The following ATG13 variants were observed in gnomAD, a reference collection of about 807,000 sequenced individuals.
The protein encoded by ATG13 is autophagy-related protein 13.
Under a neutral mutation model 65.5 loss-of-function variants are expected in ATG13, and 23 were observed. That is an observed-to-expected ratio of 0.35 (90% CI 0.25 to 0.50). The LOEUF (loss-of-function observed/expected upper bound fraction) is 0.50, where lower values mean the gene tolerates loss of function less well. ATG13 is among the 20% of genes least tolerant of loss of function. ATG13 has a pLI of 0.98. For synonymous variants in ATG13, 252 were observed against 245.2 expected (o/e 1.03, Z -0.26); for missense variants, 566 against 677.0 (o/e 0.84, Z 1.82).
At chr11:46,619,034 C>G (rs2046382877) in intron 1 of ATG13, among the ~76,000 whole-genome samples, 1 of 152,012 alleles carries the variant, frequency 6.6e-6, no homozygotes, top group East Asian at 1.9e-4. Context: ...GTGGAATATT[C>G]GAAAGTAACT....
chr11:46,663,956 T>C, intron 11 of ATG13, 41 bp from the exon 12 acceptor site: 1 of 1,138,550 alleles, frequency 8.8e-7, no homozygotes, highest in Non-Finnish European at 1.2e-6. Flanking sequence ...TTTTTTTTTT[T>C]TTTTTTTGTT....
intron 2 of ATG13, among the ~76,000 whole-genome samples, chr11:46,635,022 T>C (rs2053465399): frequency 6.6e-6 from 1 of 151,394 alleles, no homozygotes; most frequent in Non-Finnish European, 1.5e-5. Flanking sequence ...TGTTTTTTTT[T>C]TAAGTAGGGG....
chr11:46,655,560 C>A (rs554217929), intron 7 of ATG13, among the ~76,000 whole-genome samples: 3 of 152,272 alleles, frequency 2.0e-5, no homozygotes, highest in Admixed American at 1.3e-4. Flanking sequence ...GGTGACAGAG[C>A]AAGACTCCGT....
intron 7 of ATG13, among the ~76,000 whole-genome samples, chr11:46,655,403 G>A (rs2059835623): frequency 6.6e-6 from 1 of 151,148 alleles, no homozygotes; most frequent in Non-Finnish European, 1.5e-5. Context: ...GTCTCAAAAA[G>A]CAAAACAAAC....
intron 2 of ATG13, among the ~76,000 whole-genome samples, chr11:46,639,892 C>T (rs931631052): frequency 7.0e-6 from 1 of 143,730 alleles, no homozygotes; most frequent in East Asian, 2.0e-4. Context: ...CTTGCTCTGT[C>T]CCCCATGTTG....
At chr11:46,644,937 T>C (rs1591804775) in intron 3 of ATG13, among the ~76,000 whole-genome samples, 1 of 152,226 alleles carries the variant, frequency 6.6e-6, no homozygotes, top group East Asian at 1.9e-4. Flanking sequence ...CCAAATGATA[T>C]GAATAATTGT....
Position 46,662,297 on chromosome 11 carries a change from G to A in ATG13, c.790-1700G>A, listed in dbSNP as rs577617292. Among the ~76,000 whole-genome samples the A allele has an allele frequency of 1.0e-3, 156 of 152,276 alleles. 1 individual carries two copies. Among genetic ancestry groups the A allele is most frequent in the African/African-American group, 3.7e-3 (152 of 41,558 alleles). The stretch of plus-strand genomic sequence containing the variant: ...AATTTAAATTTCAGTAAGCAGTTCT[G>A]TTTTACAAGTAATAGATTCATAAAT... On this transcript the variant is annotated intron_variant, in intron 11 of 18. Coordinates refer to ENST00000683050, the MANE Select transcript of ATG13 (RefSeq NM_001346311.2).
intron 7 of ATG13, among the ~76,000 whole-genome samples, chr11:46,652,011 G>A (rs529084670): frequency 2.6e-5 from 4 of 152,228 alleles, no homozygotes; most frequent in African/African-American, 9.6e-5. Context: ...CACTTTGAGA[G>A]GCTGAGGTGG....
intron 2 of ATG13, among the ~76,000 whole-genome samples, chr11:46,634,535 T>TA (rs1297573435): frequency 2.0e-5 from 3 of 149,348 alleles, no homozygotes; most frequent in Non-Finnish European, 4.5e-5. Flanking sequence ...GCTGGGACTA[T>TA]AGGCATGCAC....
At chr11:46,654,309 A>ATATATATG (rs1565550648) in intron 7 of ATG13, among the ~76,000 whole-genome samples, 2 of 143,824 alleles carry the variant, frequency 1.4e-5, no homozygotes, top group African/African-American at 2.6e-5. Flanking sequence ...ATATATATAT[A>ATATATATG]TGTAAAAGAG....
intron 2 of ATG13, among the ~76,000 whole-genome samples, chr11:46,638,947 AC>A (rs1173111273): frequency 6.6e-6 from 1 of 151,356 alleles, no homozygotes; most frequent in African/African-American, 2.4e-5. Flanking sequence ...AGCTGGGACT[AC>A]AGGCATGTGC....
chr11:46,657,384 G>A, intron 9 of ATG13, 140 bp from the exon 10 acceptor site: 1 of 973,246 alleles, frequency 1.0e-6, no homozygotes, highest in Non-Finnish European at 1.6e-6. Flanking sequence ...CGTAGGATTG[G>A]TGGTTTATAT....
intron 1 of ATG13, among the ~76,000 whole-genome samples, chr11:46,622,125 A>ATATTTATT (rs1555043957): frequency 8.9e-5 from 7 of 79,028 alleles, no homozygotes; most frequent in East Asian, 9.1e-4. Flanking sequence ...ATATATATAT[A>ATATTTATT]TATTTATTTT....
intron 1 of ATG13, among the ~76,000 whole-genome samples, chr11:46,622,602 T>A (rs1315558212): frequency 6.6e-6 from 1 of 152,178 alleles, no homozygotes; most frequent in Non-Finnish European, 1.5e-5. Context: ...TTCAAACTGC[T>A]GACTACTGAA....
Position 46,672,927 on chromosome 11 carries a change from A to G in ATG13, c.*595A>G. 1 of 801,082 alleles carries G rather than the reference A, an allele frequency of 1.2e-6. No individual in the cohort carries two copies. 49.6% of individuals were successfully genotyped at this position (801,082 alleles called of 1,614,324 possible). ...ATGACAGGCCTGCCTACCCAAGATCAGAACTCCAAAACCACTCCCACCCCT... is the reference window on the plus strand; with the variant it reads ...ATGACAGGCCTGCCTACCCAAGATCGGAACTCCAAAACCACTCCCACCCCT... On this transcript the variant is annotated 3_prime_UTR_variant, in exon 19 of 19. Transcript: ENST00000683050.
chr11:46,642,686 A>G (rs2056443716), intron 2 of ATG13, among the ~76,000 whole-genome samples: 1 of 152,126 alleles, frequency 6.6e-6, no homozygotes, highest in Non-Finnish European at 1.5e-5. Flanking sequence ...ATTGCCAAGG[A>G]CCTAACTGAT....
chr11:46,650,116 T>C (rs1337051454), intron 6 of ATG13, 61 bp from the exon 7 acceptor site: 1 of 1,557,450 alleles, frequency 6.4e-7, no homozygotes, highest in African/African-American at 1.4e-5. Context: ...ATAATAAATT[T>C]GGTCTTGTGT....
intron 5 of ATG13, among the ~76,000 whole-genome samples, chr11:46,646,880 C>G (rs985685745): frequency 6.6e-6 from 1 of 152,088 alleles, no homozygotes; most frequent in African/African-American, 2.4e-5. Context: ...CCACCTCAGC[C>G]TCCTGAGTAG....
At chr11:46,650,401 A>T in intron 7 of ATG13, 84 bp downstream of exon 7, 1 of 1,514,912 alleles carries the variant, frequency 6.6e-7, no homozygotes, top group East Asian at 2.3e-5. Context: ...TTCTGTGATG[A>T]TGTTTTGGAC....
Sources: allele counts gnomAD v4.1 joint callset (sites outside exome capture counted in the v4.1 genomes callset), GRCh38; gene constraint gnomAD v4.1.1; transcripts MANE v1.5; gene names NCBI Gene and HGNC (gene_info 2026-07-23, HGNC 2026-07-21).